Variants in FAM135B observed in about 807,000 individuals in gnomAD.
FAM135B encodes the protein family with sequence similarity 135 member B.
Under a neutral mutation model 127.7 loss-of-function variants are expected in FAM135B, and 43 were observed. The observed-to-expected ratio is 0.34, with a 90% CI of 0.26 to 0.43. FAM135B has a LOEUF of 0.43. Ranked by LOEUF, FAM135B falls within the 20% of genes least tolerant of loss-of-function variation. The pLI, the probability that FAM135B is intolerant of heterozygous loss-of-function variation, is 1.00. For synonymous variants in FAM135B, 670 were observed against 665.1 expected, an observed-to-expected ratio of 1.01 and a Z score of -0.11; for missense variants, 1,558 against 1,725.6, an observed-to-expected ratio of 0.90 and a Z score of 1.72.
rs2130735886 is a variant in FAM135B, at chr8:138,151,611, C to T, written c.2864G>A (p.Ser955Asn). ...CATAATGCAAGGTGAACCGCTTTGG[C>T]TTTGCTGGCCTGTTGAGTTCCTGTT... The part of the protein sequence containing the change: ...AINRNSTGQQ[S>N]QSGSPCIMDD... The change falls in exon 13 of 20, where the codon AGC becomes AAC. Residue 955 changes from serine (S) to asparagine (N), a missense_variant. By Grantham distance (46) the Ser-to-Asn change is conservative. Coordinates refer to ENST00000395297, the MANE Select transcript of FAM135B (RefSeq NM_015912.4). 1 of 1,614,178 alleles carries T rather than the reference C, an allele frequency of 6.2e-7. No individual in the cohort carries two copies. Among genetic ancestry groups the T allele is most frequent in the Non-Finnish European group, 8.5e-7 (1 of 1,180,014 alleles).
At chr8:138,364,108 T>G (rs78507597) in intron 2 of FAM135B, among the ~76,000 whole-genome samples, 4,910 of 152,284 alleles carry the variant, frequency 0.032, 158 homozygotes, top group East Asian at 0.17. Context: ...GGGCCCCACC[T>G]TGCACACCAG....
At chr8:138,292,657 TAA>T (rs1283982774) in intron 3 of FAM135B, among the ~76,000 whole-genome samples, 1 of 152,054 alleles carries the variant, frequency 6.6e-6, no homozygotes, top group African/African-American at 2.4e-5. Context: ...ATAAAATTCA[TAA>T]AAGAGTCCAA....
chr8:138,171,737 A>G (rs10106665), intron 11 of FAM135B, among the ~76,000 whole-genome samples: 74,292 of 151,990 alleles, frequency 0.49, 19,262 homozygotes, highest in East Asian at 0.76. Context: ...GAAGACCAAT[A>G]GGCCAAGAAG....
intron 1 of FAM135B, chr8:138,477,530 T>A (rs1444067855): frequency 6.6e-6 from 1 of 152,164 alleles, no homozygotes; most frequent in Non-Finnish European, 1.5e-5. Context: ...GGCTACAAGG[T>A]CATGGTAACC....
At chr8:138,195,341 A>G (rs1563755066) in intron 8 of FAM135B, 34 bp from the exon 9 acceptor site, 1 of 1,598,418 alleles carries the variant, frequency 6.3e-7, no homozygotes, top group Non-Finnish European at 8.5e-7. Context: ...TGATTAAATG[A>G]ACCCACACTG....
At chr8:138,134,087 G>A (rs1175377197) in intron 19 of FAM135B, among the ~76,000 whole-genome samples, 2 of 152,146 alleles carry the variant, frequency 1.3e-5, no homozygotes, top group African/African-American at 2.4e-5. Context: ...GTGAGGTTAT[G>A]CCACAGTAAT....
chr8:138,307,825 A>G (rs2130877335), intron 3 of FAM135B, among the ~76,000 whole-genome samples: 1 of 152,234 alleles, frequency 6.6e-6, no homozygotes, highest in South Asian at 2.1e-4. Flanking sequence ...CTGAGTATCA[A>G]AGACATCATT....
chr8:138,320,555 G>T (rs993303903), intron 2 of FAM135B, among the ~76,000 whole-genome samples: 1 of 152,164 alleles, frequency 6.6e-6, no homozygotes, highest in Non-Finnish European at 1.5e-5. Context: ...AAAGCACCTT[G>T]AGAACAAGAA....
intron 19 of FAM135B, 60 bp downstream of exon 19, chr8:138,137,087 T>C (rs552229283): frequency 4.5e-6 from 4 of 886,318 alleles, no homozygotes; most frequent in East Asian, 4.8e-5. Flanking sequence ...GTCAATTCCA[T>C]GAATTTACTT....
At chr8:138,163,760 TA>T (rs1241588398) in intron 12 of FAM135B, among the ~76,000 whole-genome samples, 2 of 152,190 alleles carry the variant, frequency 1.3e-5, no homozygotes, top group Non-Finnish European at 2.9e-5. Context: ...GAGAACATAC[TA>T]ATACACCATG....
At position 138,152,061 on chromosome 8, in the gene FAM135B, C is replaced by T. The variant is rs1225278509; in HGVS notation, c.2414G>A (p.Ser805Asn). ...FAEPSDMHSK[S>N]QGSPGSCSQL... ...AGAGCAAGATCCTGGGGAACCTTGG[C>T]TCTTGCTGTGCATATCTGAAGGTTC... The change falls in exon 13 of 20, where the codon AGC (serine) becomes AAC (asparagine). Residue 805 changes from serine (S) to asparagine (N), a missense_variant. By Grantham distance (46) the Ser-to-Asn change is conservative. Around this residue, in one of 5 missense-constraint regions of FAM135B, gnomAD observed 923 missense variants for 865.3 expected, o/e 1.07. Coordinates refer to ENST00000395297, the MANE Select transcript of FAM135B (RefSeq NM_015912.4). The T allele has an allele frequency of 3.1e-6, 5 of 1,614,018 alleles. No individual in the cohort carries two copies. The East Asian group carries it at 6.7e-5, about 22-fold the overall frequency.
intron 1 of FAM135B, among the ~76,000 whole-genome samples, chr8:138,398,640 G>A (rs1832978047): frequency 1.3e-5 from 2 of 152,198 alleles, no homozygotes; most frequent in African/African-American, 4.8e-5. Context: ...GTGGGAGGAA[G>A]TGGCATAGGG....
intron 7 of FAM135B, among the ~76,000 whole-genome samples, chr8:138,227,720 T>C (rs975214888): frequency 4.3e-5 from 6 of 140,672 alleles, no homozygotes; most frequent in South Asian, 2.2e-4. Context: ...CTCTCTTTTT[T>C]TTTTTTTTTT....
At chr8:138,349,465 C>T (rs189186437) in intron 2 of FAM135B, among the ~76,000 whole-genome samples, 7 of 152,270 alleles carry the variant, frequency 4.6e-5, no homozygotes, top group African/African-American at 1.4e-4. Context: ...GATAATTAAA[C>T]GAAATGATGT....
intron 1 of FAM135B, among the ~76,000 whole-genome samples, chr8:138,378,052 T>G (rs778515851): frequency 5.3e-5 from 8 of 152,198 alleles, no homozygotes; most frequent in Non-Finnish European, 1.2e-4. Flanking sequence ...CAATCTTGGG[T>G]CTCACTTCTG....
intron 1 of FAM135B, among the ~76,000 whole-genome samples, chr8:138,419,745 G>C (rs1834378062): frequency 6.6e-6 from 1 of 152,110 alleles, no homozygotes; most frequent in South Asian, 2.1e-4. Flanking sequence ...TTGCTCTTGA[G>C]TAACTTTTGG....
chr8:138,151,608 T>C lies in FAM135B; in HGVS notation c.2867A>G (p.Gln956Arg), dbSNP rs1818156397. 1 of 1,614,208 alleles carries C rather than the reference T, an allele frequency of 6.2e-7. No individual in the cohort carries two copies. Among genetic ancestry groups the C allele is most frequent in the African/African-American group, 1.3e-5 (1 of 75,056 alleles). ...INRNSTGQQS[Q>R]SGSPCIMDDT... ...ATCCATAATGCAAGGTGAACCGCTT[T>C]GGCTTTGCTGGCCTGTTGAGTTCCT... Residue 956 changes from glutamine to arginine, a missense_variant, in exon 13 of 20, where the codon CAA becomes CGA. By Grantham distance (43) the Gln-to-Arg change is conservative. Coordinates refer to ENST00000395297, the MANE Select transcript of FAM135B (RefSeq NM_015912.4).
intron 12 of FAM135B, among the ~76,000 whole-genome samples, chr8:138,163,219 T>G (rs761653187): frequency 1.3e-5 from 2 of 152,094 alleles, no homozygotes; most frequent in Non-Finnish European, 2.9e-5. Flanking sequence ...TTTGCCCAAT[T>G]TCACACGGTT....
chr8:138,271,040 T>C (rs1208986080), intron 3 of FAM135B, among the ~76,000 whole-genome samples: 1 of 152,214 alleles, frequency 6.6e-6, no homozygotes, highest in African/African-American at 2.4e-5. Context: ...GAGATTCATT[T>C]CTATCCTAAA....
Sources: allele counts gnomAD v4.1 joint callset (sites outside exome capture counted in the v4.1 genomes callset), GRCh38; gene constraint gnomAD v4.1.1; regional missense constraint gnomAD v4.1.1; transcripts MANE v1.5; gene names NCBI Gene and HGNC (gene_info 2026-07-23, HGNC 2026-07-21).